HTR3D: variants seen among roughly 807,000 people sequenced by gnomAD.
The protein encoded by HTR3D is 5-hydroxytryptamine receptor 3D.
Under a neutral mutation model 45.8 loss-of-function variants are expected in HTR3D, and 47 were observed. That is an observed-to-expected ratio of 1.03 (90% CI 0.81 to 1.31). The LOEUF is 1.31. Among genes scored for constraint, HTR3D ranks in the 50% most tolerant of loss-of-function variants. The pLI, the probability that HTR3D is intolerant of heterozygous loss-of-function variation, is 0.00. For missense variants in HTR3D, 448 were observed against 506.9 expected, an observed-to-expected ratio of 0.88 and a Z score of 1.12; for synonymous variants, 203 against 199.8, an observed-to-expected ratio of 1.02 and a Z score of -0.13.
At position 184,038,441 on chromosome 3, in the gene HTR3D, G is replaced by A; in HGVS notation, c.802G>A (p.Val268Met). ...VYFALCLSLM[V>M]GSLLETIFIT... ...CTTCGCCCTGTGCCTGTCCCTGATG[G>A]TGGGCAGCCTGCTGGAGACCATCTT... is the stretch of plus-strand genomic sequence containing the variant. Residue 268 changes from valine to methionine, a missense_variant, in exon 7 of 8, where the codon GTG (valine) becomes ATG (methionine). Physicochemically the swap from Val to Met is conservative, Grantham distance 21 (BLOSUM62 1). Transcript: ENST00000428798. This position sits in a 1 kb window ranked among gnomAD's most constrained non-coding sequence, Gnocchi z 4.5. 2.5e-6 allele frequency: 4 copies of A among 1,614,036 alleles called. No individual in the cohort carries two copies. Among genetic ancestry groups the A allele is most frequent in the Non-Finnish European group, 3.4e-6 (4 of 1,179,996 alleles).
intron 1 of HTR3D, chr3:184,032,840 C>T: frequency 1.9e-6 from 3 of 1,551,438 alleles, no homozygotes; most frequent in East Asian, 2.4e-5. Flanking sequence ...CATGCAGAAA[C>T]ACTCTCCAGG....
intron 5 of HTR3D, 36 bp from the exon 6 acceptor site, chr3:184,037,985 T>G (rs201436395): frequency 6.2e-7 from 1 of 1,605,788 alleles, no homozygotes. Context: ...CCTCCCAGCC[T>G]ACTTCTCACT....
rs1166856858 is a variant in HTR3D, at chr3:184,036,497, T to TGGAAAGG, written c.323_324insAAGGGGA (p.Asp108GlufsTer6). The TGGAAAGG allele has an allele frequency of 1.2e-6, 2 of 1,614,096 alleles. No homozygotes were observed. The highest frequency in any genetic ancestry group is 2.7e-5 in the African/African-American group (2 of 74,940). On this transcript the variant is annotated frameshift_variant, in exon 4 of 8. Coordinates refer to ENST00000428798, the MANE Select transcript of HTR3D (RefSeq NM_001145143.1). LOFTEE classifies it high-confidence loss of function. The stretch of plus-strand genomic sequence containing the variant: ...TGGACACCTTCTATTTCCCCTTCCA[T>TGGAAAGG]GGACAGAGGTGAACGCTCTCCTTCA...
At position 184,036,849 on chromosome 3, in the gene HTR3D, A is replaced by G; in HGVS notation, c.469A>G (p.Ile157Val). The G allele has an allele frequency of 6.4e-7, 1 of 1,551,612 alleles. No homozygotes were observed. Among genetic ancestry groups the G allele is most frequent in the Non-Finnish European group, 8.7e-7 (1 of 1,146,952 alleles). The change falls in exon 5 of 8, where the codon ATA becomes GTA. Residue 157 changes from isoleucine to valine, a missense_variant. Transcript: ENST00000428798. ...ACTGCTGGGTATCCAAAAAAGAACA[A>G]TAAAGGTGACCGTGGCCACTAACCA... ...WVLLGIQKRT[I>V]KVTVATNQYE...
At chr3:184,035,882 G>A (rs1722870976) in intron 2 of HTR3D, 133 bp from the exon 3 acceptor site, 2 of 793,982 alleles carry the variant, frequency 2.5e-6, no homozygotes, top group South Asian at 1.9e-5. Flanking sequence ...TAGTAGAGAT[G>A]GGGTTTCACC....
chr3:184,033,438 C>T (rs1399960214), intron 1 of HTR3D, among the ~76,000 whole-genome samples: 1 of 151,582 alleles, frequency 6.6e-6, no homozygotes, highest in Non-Finnish European at 1.5e-5. Context: ...TTACTCACAA[C>T]AAAAAAATCA....
rs1722893366 is a variant in HTR3D at position 184,036,447 on chromosome 3, A to G, written c.270A>G (p.Gln90=). 3 of 1,614,204 alleles carry G rather than the reference A, an allele frequency of 1.9e-6. No homozygotes were observed. The highest frequency in any genetic ancestry group is 2.5e-6 in the Non-Finnish European group (3 of 1,180,026). ...AGGCCACATCAAACACAATAAGCCA[A>G]TGTGGGTGGTCAGCATCTGCAAACT... is the stretch of plus-strand genomic sequence containing the variant. ...IVKATSNTIS[Q]CGWSASANWT... The change falls in exon 4 of 8, where the codon CAA becomes CAG. Residue 90 remains glutamine (Q), a synonymous_variant. Coordinates refer to ENST00000428798, the MANE Select transcript of HTR3D (RefSeq NM_001145143.1).
rs779745288 is a variant in HTR3D at position 184,038,540 on chromosome 3, C to T, written c.901C>T (p.His301Tyr). Residue 301 changes from histidine (H) to tyrosine (Y), a missense_variant, in exon 7 of 8, where the codon CAC becomes TAC. Physicochemically the swap from His to Tyr is moderately conservative, Grantham distance 83. Transcript: ENST00000428798. The surrounding 1 kb of genome is among the most constrained non-coding windows in gnomAD (Gnocchi z 4.5). ...TCGGTGGCTCCACTCCCTGCTGCTGCACTGCACCGGCCAAGGGAGATGCTG... is the reference window on the plus strand; with the variant it reads ...TCGGTGGCTCCACTCCCTGCTGCTGTACTGCACCGGCCAAGGGAGATGCTG... The part of the protein sequence containing the change: ...LPRWLHSLLL[H>Y]CTGQGRCCPT... The T allele has an allele frequency of 1.4e-5, 23 of 1,613,836 alleles. No homozygotes were observed. In the African/African-American group the frequency reaches 2.3e-4, roughly 16 times the overall value.
intron 3 of HTR3D, 99 bp downstream of exon 3, chr3:184,036,199 C>G (rs530399536): frequency 2.7e-6 from 4 of 1,488,116 alleles, no homozygotes; most frequent in African/African-American, 1.4e-5. Flanking sequence ...TAGAAAAGAG[C>G]AGAGTCTGAA....
Position 184,038,307 on chromosome 3 carries a change from C to G in HTR3D, c.769+34C>G, listed in dbSNP as rs753888310. The G allele has an allele frequency of 3.7e-6, 6 of 1,612,364 alleles. No homozygotes were observed. Among genetic ancestry groups the G allele is most frequent in the Non-Finnish European group, 5.1e-6 (6 of 1,178,718 alleles). On this transcript the variant is annotated intron_variant, in intron 6 of 7. Coordinates refer to ENST00000428798, the MANE Select transcript of HTR3D (RefSeq NM_001145143.1). The surrounding 1 kb of genome is among the most constrained non-coding windows in gnomAD (Gnocchi z 4.5). ...TGGATGGGGAGAGGGATGGGCAGAA[C>G]CAGGCGAAGTGAAAAGGGATCCTGG...
Position 184,035,195 on chromosome 3 carries a change from G to A in HTR3D, c.84G>A (p.Leu28=). The A allele has an allele frequency of 6.4e-7, 1 of 1,552,156 alleles. No homozygotes were observed. The highest frequency in any genetic ancestry group is 8.7e-7 in the Non-Finnish European group (1 of 1,147,072). ...HLLLQDSHLQ[L]VTSFLWLNMW... is the part of the protein sequence containing the mutation. ...TATTCCAGGATTCACACCTTCAACT[G>A]GTGACATCGTTCCTGTGGCTAAATA... is the stretch of plus-strand genomic sequence containing the variant. Residue 28 remains leucine, a synonymous_variant, in exon 2 of 8, where the codon CTG becomes CTA. Transcript: ENST00000428798.
At position 184,035,844 on chromosome 3, in the gene HTR3D, C is replaced by G. The variant is rs146879421; in HGVS notation, c.112-171C>G. Reference sequence around the variant, plus strand: ...AGTATCTGGGATTACAGGGGCCCACCACCACACCCAGCTAATTTTTGTATT... The same window carrying G: ...AGTATCTGGGATTACAGGGGCCCACGACCACACCCAGCTAATTTTTGTATT... On this transcript the variant is annotated intron_variant, in intron 2 of 7. Coordinates refer to ENST00000428798, the MANE Select transcript of HTR3D (RefSeq NM_001145143.1). The G allele has an allele frequency of 9.3e-5, 56 of 599,086 alleles. No individual in the cohort carries two copies. In the African/African-American group the frequency reaches 9.9e-4, roughly 11 times the overall value. 37.1% of individuals were successfully genotyped at this position (599,086 alleles called of 1,614,324 possible).
intron 5 of HTR3D, 121 bp from the exon 6 acceptor site, chr3:184,037,900 C>A: frequency 1.6e-6 from 2 of 1,217,638 alleles, no homozygotes; most frequent in Admixed American, 2.3e-5. Context: ...CTGAAAGGGA[C>A]GGGAGGTAAT....
Position 184,038,065 on chromosome 3 carries a change from C to G in HTR3D, c.561C>G (p.Asn187Lys). 1 of 1,614,198 alleles carries G rather than the reference C, an allele frequency of 6.2e-7. No individual in the cohort carries two copies. The highest frequency in any genetic ancestry group is 8.5e-7 in the Non-Finnish European group (1 of 1,180,034). Residue 187 changes from asparagine to lysine, a missense_variant, in exon 6 of 8, where the codon AAC becomes AAG. Physicochemically the swap from Asn to Lys is moderately conservative, Grantham distance 94. Coordinates refer to ENST00000428798, the MANE Select transcript of HTR3D (RefSeq NM_001145143.1). The surrounding 1 kb of genome is among the most constrained non-coding windows in gnomAD (Gnocchi z 4.5). ...RRCRPSPYVV[N>K]FLVPSGILIA... is the part of the protein sequence containing the mutation. ...GCAGGCCCAGCCCCTACGTGGTAAA[C>G]TTTCTGGTGCCCAGTGGCATTCTGA...
At chr3:184,035,099 G>T in intron 1 of HTR3D, 79 bp from the exon 2 acceptor site, 1 of 1,549,884 alleles carries the variant, frequency 6.5e-7, no homozygotes. Flanking sequence ...GACCAGCCTT[G>T]GAAGTGAACA....
rs143422003 is a variant in HTR3D, at chr3:184,033,643, G to A, written c.67-1535G>A. Among the ~76,000 whole-genome samples, 251 of 152,190 alleles carry A rather than the reference G, an allele frequency of 1.6e-3. 1 individual carries two copies. Among genetic ancestry groups the A allele is most frequent in the African/African-American group, 5.7e-3 (236 of 41,536 alleles). On this transcript the variant is annotated intron_variant, in intron 1 of 7. Transcript: ENST00000428798. ...ATTAAAAAACAAACAGAAGCTGGGCGAGGTGGCTCATGCCTGTAATCTCAG... is the reference window on the plus strand; with the variant it reads ...ATTAAAAAACAAACAGAAGCTGGGCAAGGTGGCTCATGCCTGTAATCTCAG...
chr3:184,033,914 C>T (rs566404292), intron 1 of HTR3D, among the ~76,000 whole-genome samples: 2 of 151,980 alleles, frequency 1.3e-5, no homozygotes, highest in Non-Finnish European at 2.9e-5. Context: ...AAGACTCTGT[C>T]TCAAAAAAAC....
At chr3:184,031,950 G>T in intron 1 of HTR3D, 143 bp downstream of exon 1, 1 of 571,544 alleles carries the variant, frequency 1.7e-6, no homozygotes, top group South Asian at 2.1e-5. Context: ...TGATGGCTTT[G>T]TACCTCTTCC....
At position 184,039,229 on chromosome 3, in the gene HTR3D, GT is replaced by G; in HGVS notation, c.*255del. ...CTCAGGATTCAGGTTCCTAGGGTAC[GT>G]CCTTGATTAAATCACCCCAATATGC... On this transcript the variant is annotated 3_prime_UTR_variant, in exon 8 of 8. Coordinates refer to ENST00000428798, the MANE Select transcript of HTR3D (RefSeq NM_001145143.1). 1 of 457,792 alleles carries G rather than the reference GT, an allele frequency of 2.2e-6. No homozygotes were observed. The highest frequency in any genetic ancestry group is 3.7e-5 in the Admixed American group (1 of 26,860). 28.4% of individuals were successfully genotyped at this position (457,792 alleles called of 1,614,324 possible).
Sources: gnomAD v4.1 joint callset for allele counts (sites outside exome capture counted in the v4.1 genomes callset) on GRCh38, gnomAD v4.1.1 for gene constraint, Gnocchi (gnomAD v3.1) non-coding constraint, MANE v1.5 for transcripts, NCBI Gene and HGNC (gene_info 2026-07-23, HGNC 2026-07-21) for gene names.